Variants in CTNNA3 observed in about 807,000 individuals in gnomAD.
CTNNA3 encodes catenin alpha 3.
A neutral mutation model predicts 95.7 loss-of-function variants in CTNNA3; 76 were observed. The ratio of observed to expected loss-of-function variants is 0.79; its 90% confidence interval spans 0.66 to 0.96. The LOEUF is 0.96. Among genes scored for constraint, CTNNA3 ranks in the 40% least tolerant of loss-of-function variants. The pLI is 0.00. For synonymous variants in CTNNA3, 431 were observed against 374.4 expected (o/e 1.15, Z -1.74); for missense variants, 1,191 against 1,089.8 (o/e 1.09, Z -1.31).
intron 11 of CTNNA3, among the ~76,000 whole-genome samples, chr10:66,491,393 T>G (rs1433220947): frequency 6.6e-6 from 1 of 152,176 alleles, no homozygotes. Flanking sequence ...GCTGAAACAG[T>G]TTACAAAATT....
chr10:67,629,468 G>A (rs2133431565), intron 2 of CTNNA3, among the ~76,000 whole-genome samples: 1 of 152,312 alleles, frequency 6.6e-6, no homozygotes, highest in East Asian at 1.9e-4. Context: ...GGGAGCACAA[G>A]TGAGTCATAA....
intron 5 of CTNNA3, among the ~76,000 whole-genome samples, chr10:67,333,238 T>A (rs1463776824): frequency 2.0e-5 from 3 of 152,148 alleles, no homozygotes; most frequent in Non-Finnish European, 4.4e-5. Flanking sequence ...AAGCTTCTGA[T>A]GACCAAACAG....
chr10:66,501,668 A>C (rs1486305690), intron 11 of CTNNA3, among the ~76,000 whole-genome samples: 2 of 152,184 alleles, frequency 1.3e-5, no homozygotes, highest in African/African-American at 2.4e-5. Flanking sequence ...TATCATTTAA[A>C]TCTTGTTGTC....
chr10:67,405,093 C>T (rs1845085924), intron 5 of CTNNA3, among the ~76,000 whole-genome samples: 2 of 152,104 alleles, frequency 1.3e-5, no homozygotes, highest in Admixed American at 1.3e-4. Context: ...TGTTGCCAGC[C>T]TCTACAAAAA....
chr10:65,990,877 A>G (rs2078531720), intron 15 of CTNNA3, among the ~76,000 whole-genome samples: 1 of 151,970 alleles, frequency 6.6e-6, no homozygotes, highest in Non-Finnish European at 1.5e-5. Context: ...GTTTTCTTCA[A>G]GCAGTTTTAT....
intron 3 of CTNNA3, among the ~76,000 whole-genome samples, chr10:67,594,731 T>A (rs1030981498): frequency 1.3e-5 from 2 of 152,170 alleles, no homozygotes; most frequent in Admixed American, 6.5e-5. Flanking sequence ...TTTTATTTTT[T>A]AAAAAAATTA....
intron 2 of CTNNA3, among the ~76,000 whole-genome samples, chr10:67,641,089 T>C (rs2133463677): frequency 6.6e-6 from 1 of 151,982 alleles, no homozygotes; most frequent in African/African-American, 2.4e-5. Context: ...TGGGAGAAAA[T>C]TTTTGCAATC....
intron 7 of CTNNA3, among the ~76,000 whole-genome samples, chr10:67,127,982 T>G (rs1233972010): frequency 6.6e-6 from 1 of 152,076 alleles, no homozygotes; most frequent in Admixed American, 6.6e-5. Flanking sequence ...ACTACCCATG[T>G]TTTTCCTCAC....
chr10:67,106,517 C>G (rs1858640981), intron 7 of CTNNA3, among the ~76,000 whole-genome samples: 1 of 152,194 alleles, frequency 6.6e-6, no homozygotes, highest in African/African-American at 2.4e-5. Context: ...GTTTACTTTT[C>G]TAAGCATTTT....
chr10:66,998,627 T>C (rs1168292834), intron 7 of CTNNA3, among the ~76,000 whole-genome samples: 1 of 152,134 alleles, frequency 6.6e-6, no homozygotes, highest in Non-Finnish European at 1.5e-5. Context: ...AAGAAGTTTC[T>C]ATGGAACAAT....
chr10:66,209,743 T>C (rs766779498), intron 13 of CTNNA3, among the ~76,000 whole-genome samples: 2 of 152,254 alleles, frequency 1.3e-5, no homozygotes, highest in African/African-American at 4.8e-5. Flanking sequence ...AGTTTCTGCT[T>C]ATAAAGAAAT....
intron 4 of CTNNA3, among the ~76,000 whole-genome samples, chr10:67,528,856 C>A (rs560830038): frequency 6.6e-6 from 1 of 152,206 alleles, no homozygotes; most frequent in South Asian, 2.1e-4. Context: ...CTGATTCCTT[C>A]TTAAAAAATG....
intron 5 of CTNNA3, among the ~76,000 whole-genome samples, chr10:67,295,162 G>A (rs1317229617): frequency 6.6e-6 from 1 of 152,072 alleles, no homozygotes; most frequent in African/African-American, 2.4e-5. Context: ...TAATTTTGGG[G>A]CATAACGTAG....
rs189583654 is a variant in CTNNA3, at chr10:67,532,600, A to T, written c.459+6903T>A. 9.9e-4 allele frequency among the ~76,000 whole-genome samples: 151 copies of T among 152,316 alleles called. 1 individual carries two copies. The highest frequency in any genetic ancestry group is 3.4e-3 in the African/African-American group (143 of 41,582). ...TGACTATGGTATGATAAATGGAAAA[A>T]GTTAGAAAAGTTAGTTCAACTCAAT... On this transcript the variant is annotated intron_variant, in intron 4 of 17. Transcript: ENST00000433211.
At chr10:66,681,197 A>G (rs903762488) in intron 9 of CTNNA3, among the ~76,000 whole-genome samples, 1 of 152,174 alleles carries the variant, frequency 6.6e-6, no homozygotes, top group African/African-American at 2.4e-5. Context: ...CCATTTGTTC[A>G]TTATGTAAGA....
chr10:67,197,289 A>G (rs1383853518), intron 6 of CTNNA3, among the ~76,000 whole-genome samples: 1 of 152,120 alleles, frequency 6.6e-6, no homozygotes, highest in African/African-American at 2.4e-5. Flanking sequence ...AGAAGAAAAG[A>G]AAAGGTACAC....
chr10:66,303,483 C>T (rs564705082), intron 12 of CTNNA3, among the ~76,000 whole-genome samples: 1 of 149,248 alleles, frequency 6.7e-6, no homozygotes, highest in East Asian at 1.9e-4. Flanking sequence ...TGGCTCTGCA[C>T]ATCATTATGG....
At chr10:66,892,790 C>T (rs1467790241) in intron 7 of CTNNA3, among the ~76,000 whole-genome samples, 1 of 152,090 alleles carries the variant, frequency 6.6e-6, no homozygotes, top group Non-Finnish European at 1.5e-5. Flanking sequence ...GATTTAAACA[C>T]TACGAAAATG....
In CTNNA3 at chr10:67,705,560, T is replaced by A. The variant is rs1589576828; in HGVS notation, c.-2+57874A>T. Among the ~76,000 whole-genome samples, 4 of 140,324 alleles carry A rather than the reference T, an allele frequency of 2.9e-5. No individual in the cohort carries two copies. The South Asian group carries it at 9.2e-4, about 32-fold the overall frequency. The allele number at this position is 140,324 out of a possible 152,430, so 92.1% of individuals were successfully genotyped here. A position where few individuals can be genotyped will look rare whatever the true frequency, so the allele number is the denominator to read the frequency against. On this transcript the variant is annotated intron_variant, in intron 1 of 17. Coordinates refer to the CTNNA3 transcript ENST00000684154. ...AACAAACACCGCATATTCTCACTCA[T>A]AGGTGGGAATTGAACAATGAGAACA...
Sources: allele counts gnomAD v4.1 joint callset (sites outside exome capture counted in the v4.1 genomes callset), GRCh38; gene constraint gnomAD v4.1.1; transcripts MANE v1.5; gene names NCBI Gene and HGNC (gene_info 2026-07-23, HGNC 2026-07-21).